Variants in SMIM21 observed in about 807,000 individuals in gnomAD.
SMIM21 encodes chromosome 18 open reading frame 62.
A neutral mutation model predicts 8.6 loss-of-function variants in SMIM21; 8 were observed. The ratio of observed to expected loss-of-function variants is 0.93; its 90% confidence interval spans 0.55 to 1.68. SMIM21 has a LOEUF of 1.68. SMIM21 is among the 40% of genes most tolerant of loss of function. The pLI is 0.00. For synonymous variants in SMIM21, 43 were observed against 41.7 expected, an observed-to-expected ratio of 1.03 and a Z score of -0.12; for missense variants, 132 against 123.0, an observed-to-expected ratio of 1.07 and a Z score of -0.35.
rs777676195 is a variant in SMIM21 at position 75,426,631 on chromosome 18, TAAAAAAAAA to T, written c.129+795_129+803del. Reference sequence around the variant, plus strand: ...GCCCTAGACCATTACTTTTAAAATGTAAAAAAAAAAAAAAAAAAAAAAAAAAAAAAAAAA... The same window carrying T: ...GCCCTAGACCATTACTTTTAAAATGTAAAAAAAAAAAAAAAAAAAAAAAAA... On this transcript the variant is annotated intron_variant, in intron 1 of 2. Coordinates refer to ENST00000579022, the MANE Select transcript of SMIM21 (RefSeq NM_001037331.3). Among the ~76,000 whole-genome samples the T allele has an allele frequency of 4.5e-3, 401 of 89,188 alleles. 1 individual carries two copies. The highest frequency in any genetic ancestry group is 8.4e-3 in the East Asian group (27 of 3,218). 58.5% of individuals were successfully genotyped at this position (89,188 alleles called of 152,430 possible). A position where few individuals can be genotyped will look rare whatever the true frequency, so the allele number is the denominator to read the frequency against.
intron 2 of SMIM21, among the ~76,000 whole-genome samples, chr18:75,411,206 C>T (rs1453401969): frequency 6.6e-6 from 1 of 152,194 alleles, no homozygotes; most frequent in East Asian, 1.9e-4. Flanking sequence ...TCTCAAAGCC[C>T]TTACTAGCCT....
At chr18:75,427,413 A>C in intron 1 of SMIM21, 22 bp downstream of exon 1, 2 of 1,610,380 alleles carry the variant, frequency 1.2e-6, no homozygotes, top group Non-Finnish European at 1.7e-6. Context: ...CATAACCCAA[A>C]GTTAAAGACC....
chr18:75,410,163 C>T lies in SMIM21; in HGVS notation c.*701G>A, dbSNP rs1465612238. The T allele has an allele frequency of 6.6e-6, 1 of 152,658 alleles. No individual in the cohort carries two copies. Among genetic ancestry groups the T allele is most frequent in the Non-Finnish European group, 1.5e-5 (1 of 68,052 alleles). 9.5% of individuals were successfully genotyped at this position (152,658 alleles called of 1,614,324 possible). A position where few individuals can be genotyped will look rare whatever the true frequency, so the allele number is the denominator to read the frequency against. ...ATATAAGAAAACTCATCTGCCTCGA[C>T]TTGTTGCCCGTCTTCAGACAGTGCT... On this transcript the variant is annotated 3_prime_UTR_variant, in exon 3 of 3. Transcript: ENST00000579022.
chr18:75,410,818 G>A lies in SMIM21; in HGVS notation c.*46C>T, dbSNP rs573193645. On this transcript the variant is annotated 3_prime_UTR_variant, in exon 3 of 3. Coordinates refer to ENST00000579022, the MANE Select transcript of SMIM21 (RefSeq NM_001037331.3). ...CTTAATTTCTTTTCATCTTGAGCAG[G>A]GGAAATCCATGGTATGAAGGCCATG... 1 of 1,611,162 alleles carries A rather than the reference G, an allele frequency of 6.2e-7. No individual in the cohort carries two copies. The highest frequency in any genetic ancestry group is 1.1e-5 in the South Asian group (1 of 89,852).
intron 1 of SMIM21, among the ~76,000 whole-genome samples, chr18:75,425,726 T>C (rs2024754574): frequency 6.6e-6 from 1 of 152,318 alleles, no homozygotes; most frequent in Admixed American, 6.5e-5. Flanking sequence ...ATAGCAGAAG[T>C]GGGACCCAGA....
intron 1 of SMIM21, among the ~76,000 whole-genome samples, chr18:75,419,278 A>C (rs2024684674): frequency 6.6e-6 from 1 of 152,204 alleles, no homozygotes; most frequent in Non-Finnish European, 1.5e-5. Flanking sequence ...CAATAAGTAA[A>C]AGCCCAGTGA....
chr18:75,413,914 A>G (rs17281792), intron 2 of SMIM21, among the ~76,000 whole-genome samples: 31,633 of 152,172 alleles, frequency 0.21, 4,132 homozygotes, highest in Non-Finnish European at 0.3. Flanking sequence ...TAAATGACAT[A>G]TAGGCATTCA....
At chr18:75,410,949 TGATA>T (rs774387594) in intron 2 of SMIM21, 40 bp from the exon 3 acceptor site, 1 of 1,608,456 alleles carries the variant, frequency 6.2e-7, no homozygotes, top group Non-Finnish European at 8.5e-7. Flanking sequence ...TTTATTTTTT[TGATA>T]GATATAATCA....
intron 2 of SMIM21, chr18:75,417,656 G>A (rs2024662244): frequency 6.6e-6 from 1 of 152,256 alleles, no homozygotes; most frequent in Non-Finnish European, 1.5e-5. Flanking sequence ...GCTCTCTAGG[G>A]TTAGCTTGGC....
intron 2 of SMIM21, chr18:75,417,155 C>G (rs2024655399): frequency 6.6e-6 from 1 of 152,208 alleles, no homozygotes; most frequent in Non-Finnish European, 1.5e-5. Flanking sequence ...CCTCCCCGGG[C>G]AGGAGAAGCA....
At position 75,410,778 on chromosome 18, in the gene SMIM21, G is replaced by A; in HGVS notation, c.*86C>T. On this transcript the variant is annotated 3_prime_UTR_variant, in exon 3 of 3. Transcript: ENST00000579022. ...GTGAGCAATAATCTGCTATCTCTAA[G>A]CAATCTGATTTCCTCTTAATTTCTT... 6.3e-7 allele frequency: 1 copy of A among 1,594,170 alleles called. No homozygotes were observed. The highest frequency in any genetic ancestry group is 2.2e-5 in the East Asian group (1 of 44,582).
intron 1 of SMIM21, among the ~76,000 whole-genome samples, chr18:75,421,778 T>G (rs1388544006): frequency 6.6e-6 from 1 of 152,144 alleles, no homozygotes; most frequent in Non-Finnish European, 1.5e-5. Context: ...TGTTTCACAT[T>G]TTTACAAACC....
rs1289865845 is a variant in SMIM21, at chr18:75,415,861, CT to C, written c.260+2924del. Among the ~76,000 whole-genome samples the C allele has an allele frequency of 2.6e-5, 4 of 152,280 alleles. No homozygotes were observed. In the East Asian group the frequency reaches 7.7e-4, roughly 29 times the overall value. On this transcript the variant is annotated intron_variant, in intron 2 of 2. Coordinates refer to ENST00000579022, the MANE Select transcript of SMIM21 (RefSeq NM_001037331.3). ...CATTACAATTTATTTAACCATTCCC[CT>C]ATTGATGGAAATTTGGTTGTTTACA...
chr18:75,417,733 A>ATGT (rs985188561), intron 2 of SMIM21: 2 of 152,526 alleles, frequency 1.3e-5, no homozygotes, highest in African/African-American at 4.8e-5. Context: ...ACCAGGAGAA[A>ATGT]TGTTGGCCGC....
chr18:75,427,689 G>A lies in SMIM21; in HGVS notation c.-126C>T. The A allele has an allele frequency of 1.1e-6, 1 of 924,730 alleles. No individual in the cohort carries two copies. Among genetic ancestry groups the A allele is most frequent in the East Asian group, 2.7e-5 (1 of 36,992 alleles). The allele number at this position is 924,730 out of a possible 1,614,324, so 57.3% of individuals were successfully genotyped here. A position where few individuals can be genotyped will look rare whatever the true frequency, so the allele number is the denominator to read the frequency against. On this transcript the variant is annotated 5_prime_UTR_variant, in exon 1 of 3. Transcript: ENST00000579022. ...AGCTTTTCTCTTCTTTGCCAACCTT[G>A]AAGATCTGGGTATTATTTTATGAAG...
At chr18:75,411,735 C>T (rs867515405) in intron 2 of SMIM21, among the ~76,000 whole-genome samples, 3 of 152,182 alleles carry the variant, frequency 2.0e-5, no homozygotes, top group Admixed American at 6.5e-5. Flanking sequence ...CAAGCCTCAT[C>T]GATCCTTCTT....
intron 1 of SMIM21, among the ~76,000 whole-genome samples, chr18:75,420,445 C>T (rs1001748196): frequency 2.6e-5 from 4 of 152,092 alleles, no homozygotes; most frequent in Non-Finnish European, 5.9e-5. Context: ...AAGTGGTCTT[C>T]AACATGCAAC....
At chr18:75,423,228 A>G (rs2024728139) in intron 1 of SMIM21, among the ~76,000 whole-genome samples, 1 of 152,200 alleles carries the variant, frequency 6.6e-6, no homozygotes, top group Non-Finnish European at 1.5e-5. Context: ...TCAAGGTTGA[A>G]GTGTTTCCCA....
intron 1 of SMIM21, among the ~76,000 whole-genome samples, chr18:75,426,951 G>A (rs2024770986): frequency 6.6e-6 from 1 of 152,172 alleles, no homozygotes; most frequent in Non-Finnish European, 1.5e-5. Context: ...ATTGGCTACT[G>A]GTTCATGAAT....
Sources: gnomAD v4.1 joint callset for allele counts (sites outside exome capture counted in the v4.1 genomes callset) on GRCh38, gnomAD v4.1.1 for gene constraint, MANE v1.5 for transcripts, NCBI Gene and HGNC (gene_info 2026-07-23, HGNC 2026-07-21) for gene names.